The following LRP2 variants were observed in gnomAD, a reference collection of about 807,000 sequenced individuals.
LRP2 encodes the protein low-density lipoprotein receptor-related protein 2.
A neutral mutation model predicts 531.0 loss-of-function variants in LRP2; 172 were observed. That is an observed-to-expected ratio of 0.32 (90% confidence interval 0.29 to 0.37). LRP2 has a LOEUF of 0.37. Ranked by LOEUF, LRP2 falls within the 10% of genes least tolerant of loss-of-function variation. The pLI, the probability that LRP2 is intolerant of heterozygous loss-of-function variation, is 1.00. For synonymous variants in LRP2, 1,992 were observed against 2,027.6 expected (o/e 0.98, Z 0.47); for missense variants, 5,167 against 5,868.3 (o/e 0.88, Z 3.90).
intron 33 of LRP2, among the ~76,000 whole-genome samples, chr2:169,222,740 G>GTC (rs904683597): frequency 3.3e-5 from 5 of 151,838 alleles, no homozygotes; most frequent in African/African-American, 7.3e-5. Flanking sequence ...TGTGAATGTG[G>GTC]TCTCTCTCTC....
chr2:169,294,074 G>T (rs1684073689), intron 6 of LRP2, 74 bp downstream of exon 6: 16 of 1,029,830 alleles, frequency 1.6e-5, no homozygotes, highest in Non-Finnish European at 2.5e-5. Flanking sequence ...GGAGCGGGGG[G>T]ATAAAACAAA....
At chr2:169,310,047 T>G (rs2105497881) in intron 3 of LRP2, among the ~76,000 whole-genome samples, 1 of 152,312 alleles carries the variant, frequency 6.6e-6, no homozygotes, top group Non-Finnish European at 1.5e-5. Context: ...TATATAGGAA[T>G]GCTTGTGATT....
At chr2:169,310,356 T>C (rs1304182217) in intron 3 of LRP2, among the ~76,000 whole-genome samples, 1 of 152,232 alleles carries the variant, frequency 6.6e-6, no homozygotes, top group African/African-American at 2.4e-5. Context: ...ATAGCTCTTA[T>C]TATTTTGAGA....
intron 45 of LRP2, 106 bp downstream of exon 45, chr2:169,198,680 A>G (rs1326376875): frequency 2.9e-6 from 4 of 1,356,474 alleles, no homozygotes; most frequent in Non-Finnish European, 1.0e-6. Context: ...GGTCAATGTG[A>G]AATGACAATT....
At chr2:169,238,562 T>A (rs1689691449) in intron 26 of LRP2, among the ~76,000 whole-genome samples, 1 of 146,382 alleles carries the variant, frequency 6.8e-6, no homozygotes. Context: ...TAAATACTAG[T>A]CTAGAGTAAA....
At chr2:169,159,541 A>G (rs1357767197) in intron 63 of LRP2, among the ~76,000 whole-genome samples, 2 of 152,208 alleles carry the variant, frequency 1.3e-5, no homozygotes, top group African/African-American at 4.8e-5. Flanking sequence ...ACAACTGTAC[A>G]TTGTTAAAAC....
intron 38 of LRP2, among the ~76,000 whole-genome samples, chr2:169,207,537 T>C (rs556605683): frequency 6.6e-6 from 1 of 152,326 alleles, no homozygotes; most frequent in South Asian, 2.1e-4. Context: ...GAAAGGTATA[T>C]TTTCCAGAAT....
intron 3 of LRP2, among the ~76,000 whole-genome samples, chr2:169,316,250 T>A (rs562273694): frequency 2.0e-5 from 3 of 152,248 alleles, no homozygotes; most frequent in South Asian, 2.1e-4. Flanking sequence ...AGTTGGTGAT[T>A]CAATGTGGGC....
chr2:169,280,794 T>C (rs1426356305), intron 10 of LRP2, among the ~76,000 whole-genome samples: 3 of 152,210 alleles, frequency 2.0e-5, no homozygotes, highest in Non-Finnish European at 4.4e-5. Context: ...GCTAGTCCAA[T>C]GCACTTTCAA....
At chr2:169,175,050 T>C (rs895000554) in intron 55 of LRP2, 143 bp downstream of exon 55, 1 of 556,796 alleles carries the variant, frequency 1.8e-6, no homozygotes, top group Non-Finnish European at 3.0e-6. Context: ...TTCATAAAAA[T>C]AGAAAAAGGA....
chr2:169,132,856 C>T (rs774082080), intron 76 of LRP2, among the ~76,000 whole-genome samples, 175 bp from the exon 77 acceptor site: 20 of 152,096 alleles, frequency 1.3e-4, no homozygotes, highest in Non-Finnish European at 1.5e-4. Context: ...TCACTCCCAC[C>T]GCCCCAAAAT....
chr2:169,143,371 G>A lies in LRP2; in HGVS notation c.12989-578C>T, dbSNP rs115072446. The stretch of plus-strand genomic sequence containing the variant: ...AAACTATTGATGCCAGGCCAGGCGC[G>A]GTGGCTCACACCTGTAATCCCAGCA... On this transcript the variant is annotated intron_variant, in intron 70 of 78. Transcript: ENST00000649046. 9.9e-4 allele frequency among the ~76,000 whole-genome samples: 150 copies of A among 152,240 alleles called. No homozygotes were observed. In the Middle Eastern group the frequency reaches 0.014, roughly 14 times the overall value.
At chr2:169,151,642 A>G (rs1350041152) in intron 67 of LRP2, among the ~76,000 whole-genome samples, 1 of 152,180 alleles carries the variant, frequency 6.6e-6, no homozygotes, top group Non-Finnish European at 1.5e-5. Context: ...CTGAGGCTGC[A>G]GGTCTCAGTC....
intron 6 of LRP2, among the ~76,000 whole-genome samples, chr2:169,293,712 C>G (rs949482846): frequency 6.6e-6 from 1 of 152,042 alleles, no homozygotes; most frequent in Non-Finnish European, 1.5e-5. Flanking sequence ...CTTTCCTGAC[C>G]CTCCAACTTT....
intron 72 of LRP2, 145 bp from the exon 73 acceptor site, chr2:169,139,755 A>C (rs899717516): frequency 1.3e-6 from 1 of 764,490 alleles, no homozygotes; most frequent in Admixed American, 2.0e-5. Flanking sequence ...ACTTTTGTTC[A>C]TTCTGCCAAG....
At chr2:169,185,473 CT>C (rs1559002369) in intron 50 of LRP2, 29 bp downstream of exon 50, 2 of 1,608,514 alleles carry the variant, frequency 1.2e-6, no homozygotes, top group Non-Finnish European at 1.7e-6. Context: ...TAATTTTTAA[CT>C]TTTAAAAAGC....
In LRP2 at chr2:169,360,687, C is replaced by T. The variant is rs909754073; in HGVS notation, c.79+1634G>A. Among the ~76,000 whole-genome samples the T allele has an allele frequency of 1.4e-4, 21 of 152,172 alleles. 1 individual carries two copies. The highest frequency in any genetic ancestry group is 3.4e-3 in the Middle Eastern group (1 of 294). On this transcript the variant is annotated intron_variant, in intron 1 of 78. Transcript: ENST00000649046. ...CAAACTCTGCACAATAATAATAAAC[C>T]CTCTTTCTGCGTTACCAACACTGAG...
intron 14 of LRP2, among the ~76,000 whole-genome samples, chr2:169,274,512 C>A (rs540337323): frequency 1.6e-4 from 24 of 152,138 alleles, no homozygotes; most frequent in African/African-American, 5.8e-4. Flanking sequence ...AAATAAGTGA[C>A]CAGCCAGAGA....
intron 4 of LRP2, among the ~76,000 whole-genome samples, chr2:169,298,812 A>G (rs2544374): frequency 0.21 from 32,057 of 151,562 alleles, 3,443 homozygotes; most frequent in African/African-American, 0.23. Context: ...CAGGAGAGTC[A>G]ATACCAAAAA....
Sources: allele counts gnomAD v4.1 joint callset (sites outside exome capture counted in the v4.1 genomes callset), GRCh38; gene constraint gnomAD v4.1.1; transcripts MANE v1.5; gene names NCBI Gene and HGNC (gene_info 2026-07-23, HGNC 2026-07-21).